The following MAPK6 variants were observed in gnomAD, a reference collection of about 807,000 sequenced individuals.
MAPK6 encodes the protein ERK-3.
In MAPK6, 19 loss-of-function variants were observed where a neutral mutation model predicts 59.3. The ratio of observed to expected loss-of-function variants is 0.32; its 90% CI spans 0.22 to 0.47. The LOEUF is 0.47. Ranked by LOEUF, MAPK6 falls within the 20% of genes least tolerant of loss-of-function variation. The probability of loss-of-function intolerance (pLI) is 1.00; values close to 1 mark genes in which losing one functional copy is unlikely to be tolerated. For missense variants in MAPK6, 724 were observed against 847.9 expected, an observed-to-expected ratio of 0.85 and a Z score of 1.81; for synonymous variants, 316 against 290.3, an observed-to-expected ratio of 1.09 and a Z score of -0.90.
At chr15:52,044,867 C>G (rs2031548711) in intron 1 of MAPK6, among the ~76,000 whole-genome samples, 1 of 150,330 alleles carries the variant, frequency 6.7e-6, no homozygotes, top group African/African-American at 2.4e-5. Context: ...TGATTCTGGT[C>G]TCTTTCCTTA....
intron 1 of MAPK6, chr15:52,020,032 G>A (rs553248295): frequency 3.9e-5 from 6 of 152,396 alleles, no homozygotes; most frequent in Non-Finnish European, 8.8e-5. Flanking sequence ...CCATGAATGA[G>A]GTACTGAAAA....
At chr15:52,016,974 G>A (rs2030289895), upstream of MAPK6, among the ~76,000 whole-genome samples, 1 of 151,998 alleles carries the variant, frequency 6.6e-6, no homozygotes, top group South Asian at 2.1e-4. Flanking sequence ...AGCAGAGGTT[G>A]CAGTGAGCAG....
intron 2 of MAPK6, among the ~76,000 whole-genome samples, chr15:51,993,756 A>G (rs564358143): frequency 6.6e-6 from 1 of 151,846 alleles, no homozygotes; most frequent in Admixed American, 6.6e-5. Context: ...GCGTACACAT[A>G]ATGCCCAGAT....
intron 3 of MAPK6, among the ~76,000 whole-genome samples, chr15:52,012,999 AAAAAAAAAAAAAAAAAAAAAAAT>A (rs1188608063): frequency 4.5e-3 from 73 of 16,096 alleles, no homozygotes; most frequent in African/African-American, 8.7e-3. Flanking sequence ...AAAAAAAAAA[AAAAAAAAAAAAAAAAAAAAAAAT>A]ATATATATAT....
At chr15:52,055,463 C>T (rs1267078599) in intron 3 of MAPK6, among the ~76,000 whole-genome samples, 2 of 152,186 alleles carry the variant, frequency 1.3e-5, no homozygotes, top group African/African-American at 4.8e-5. Context: ...TGCTCCAAGT[C>T]ATAGAAGTGA....
At chr15:52,040,986 A>G (rs2031400689) in intron 1 of MAPK6, among the ~76,000 whole-genome samples, 1 of 152,194 alleles carries the variant, frequency 6.6e-6, no homozygotes, top group Non-Finnish European at 1.5e-5. Flanking sequence ...ATTAAACTTA[A>G]TGATCACTCC....
intron 3 of MAPK6, among the ~76,000 whole-genome samples, chr15:52,005,891 C>T (rs1359437652): frequency 6.6e-6 from 1 of 152,094 alleles, no homozygotes; most frequent in African/African-American, 2.4e-5. Context: ...GGGGACTTGT[C>T]TTACTTAAAA....
intron 1 of MAPK6, among the ~76,000 whole-genome samples, chr15:52,021,968 G>A (rs922330210): frequency 6.6e-6 from 1 of 151,988 alleles, no homozygotes; most frequent in Non-Finnish European, 1.5e-5. Context: ...TTTTAAAACA[G>A]CCAACGTTTA....
intron 2 of MAPK6, among the ~76,000 whole-genome samples, chr15:51,988,657 G>A (rs902879616): frequency 3.3e-5 from 5 of 151,884 alleles, no homozygotes; most frequent in East Asian, 1.9e-4. Flanking sequence ...GCTTGAACCC[G>A]GGAGGCAGAG....
chr15:51,998,069 G>A (rs558424828), intron 2 of MAPK6, among the ~76,000 whole-genome samples: 41 of 150,752 alleles, frequency 2.7e-4, no homozygotes, highest in Non-Finnish European at 3.2e-4. Context: ...TCAGCCTCCC[G>A]AGTAGCTGGG....
At position 52,038,155 on chromosome 15, in the gene MAPK6, T is replaced by TAA. The variant is rs2031303932; in HGVS notation, c.-631-7675_-631-7674insAA. Reference sequence around the variant, plus strand: ...TAATGTGTTCCTTTGAGCTCAAGATTGAAAAAAAAAAAAAAATTGACCTCT... The same window carrying TAA: ...TAATGTGTTCCTTTGAGCTCAAGATTAAGAAAAAAAAAAAAAAATTGACCTCT... On this transcript the variant is annotated intron_variant, in intron 1 of 5. Coordinates refer to ENST00000261845, the MANE Select transcript of MAPK6 (RefSeq NM_002748.4). Among the ~76,000 whole-genome samples, 4 of 51,776 alleles carry TAA rather than the reference T, an allele frequency of 7.7e-5. No individual in the cohort carries two copies. In the Admixed American group the frequency reaches 9.6e-4, roughly 12 times the overall value. The allele number at this position is 51,776 out of a possible 152,430, so 34.0% of individuals were successfully genotyped here.
chr15:51,987,945 T>C (rs1180785700), intron 2 of MAPK6, among the ~76,000 whole-genome samples: 1 of 152,026 alleles, frequency 6.6e-6, no homozygotes, highest in African/African-American at 2.4e-5. Context: ...TTTGTATTTT[T>C]AGTAGAGACA....
intron 3 of MAPK6, among the ~76,000 whole-genome samples, chr15:52,007,119 A>G (rs1350559796): frequency 1.3e-5 from 2 of 151,908 alleles, no homozygotes; most frequent in African/African-American, 4.8e-5. Context: ...TTCCTACCCC[A>G]CTTCCTACCT....
At position 52,065,297 on chromosome 15, in the gene MAPK6, C is replaced by T. The variant is rs1566917158; in HGVS notation, c.*297C>T. The stretch of plus-strand genomic sequence containing the variant: ...TCTCATAGAACATTGATCTGTTTTA[C>T]AGGAAACAAACCTTGCCTTGAAATT... On this transcript the variant is annotated 3_prime_UTR_variant, in exon 6 of 6. Transcript: ENST00000261845. 4.1e-6 allele frequency: 1 copy of T among 243,790 alleles called. No individual in the cohort carries two copies. Among genetic ancestry groups the T allele is most frequent in the Non-Finnish European group, 7.8e-6 (1 of 127,654 alleles). The allele number at this position is 243,790 out of a possible 1,614,324, so 15.1% of individuals were successfully genotyped here.
upstream of MAPK6, among the ~76,000 whole-genome samples, chr15:52,015,631 C>G (rs1046513099): frequency 6.6e-6 from 1 of 151,412 alleles, no homozygotes; most frequent in Non-Finnish European, 1.5e-5. Context: ...CGCCACCACG[C>G]CCGGCTAATT....
In MAPK6 at chr15:52,046,072, A is replaced by G. The variant is rs2031584928; in HGVS notation, c.-389A>G. On this transcript the variant is annotated 5_prime_UTR_variant, in exon 2 of 6. Transcript: ENST00000261845. ...TATCTGCACTGTGAGGAGAATGTTC[A>G]TAGAAGCCTGTTGTGTGCATATTTA... The G allele has an allele frequency of 5.2e-6, 1 of 192,184 alleles. No individual in the cohort carries two copies. The highest frequency in any genetic ancestry group is 9.6e-5 in the South Asian group (1 of 10,366). The allele number at this position is 192,184 out of a possible 1,614,324, so 11.9% of individuals were successfully genotyped here.
intron 2 of MAPK6, 24 bp from the exon 3 acceptor site, chr15:52,049,969 G>A (rs2031724417): frequency 1.9e-6 from 3 of 1,595,586 alleles, no homozygotes; most frequent in Non-Finnish European, 2.6e-6. Context: ...AGTAAAAAAA[G>A]TATGTTTTTT....
At chr15:52,039,231 G>A (rs531706395) in intron 1 of MAPK6, among the ~76,000 whole-genome samples, 5 of 152,052 alleles carry the variant, frequency 3.3e-5, no homozygotes, top group Non-Finnish European at 7.4e-5. Flanking sequence ...GCTGGTCGCA[G>A]GTGATCCACC....
intron 1 of MAPK6, among the ~76,000 whole-genome samples, chr15:52,031,057 G>A (rs1595984610): frequency 6.6e-6 from 1 of 151,736 alleles, no homozygotes; most frequent in African/African-American, 2.4e-5. Context: ...GCCTCCCAAA[G>A]TGCTGGGATT....
Sources: allele counts gnomAD v4.1 joint callset (sites outside exome capture counted in the v4.1 genomes callset), GRCh38; gene constraint gnomAD v4.1.1; transcripts MANE v1.5; gene names NCBI Gene and HGNC (gene_info 2026-07-23, HGNC 2026-07-21).